ZNF385D: variants seen among roughly 807,000 people sequenced by gnomAD.
The protein encoded by ZNF385D is zinc finger protein 385D.
In ZNF385D, 15 loss-of-function variants were observed where a neutral mutation model predicts 35.8. The observed-to-expected ratio is 0.42, with a 90% CI of 0.28 to 0.64. The LOEUF (loss-of-function observed/expected upper bound fraction) is 0.64. ZNF385D is among the 30% of genes least tolerant of loss of function. ZNF385D has a pLI of 0.23. For missense variants in ZNF385D, 474 were observed against 494.6 expected, an observed-to-expected ratio of 0.96 and a Z score of 0.39; for synonymous variants, 212 against 186.8, an observed-to-expected ratio of 1.13 and a Z score of -1.10.
At chr3:21,483,468 T>C (rs1462541492) in intron 4 of ZNF385D, among the ~76,000 whole-genome samples, 6 of 152,154 alleles carry the variant, frequency 3.9e-5, no homozygotes, top group Non-Finnish European at 5.9e-5. Flanking sequence ...AGCAGTAAGA[T>C]TGCTGGGTCA....
chr3:22,198,779 T>G (rs1310942448), intron 2 of ZNF385D, among the ~76,000 whole-genome samples: 1 of 152,094 alleles, frequency 6.6e-6, no homozygotes, highest in Admixed American at 6.6e-5. Context: ...CTTTCCCCAA[T>G]CTTCATATAT....
At chr3:22,272,197 A>C (rs1198439855) in intron 2 of ZNF385D, among the ~76,000 whole-genome samples, 1 of 152,210 alleles carries the variant, frequency 6.6e-6, no homozygotes, top group East Asian at 1.9e-4. Flanking sequence ...CACGAGGGCT[A>C]GGACTTTCAC....
At chr3:21,716,852 G>A (rs889058715) in intron 1 of ZNF385D, among the ~76,000 whole-genome samples, 16 of 151,990 alleles carry the variant, frequency 1.1e-4, no homozygotes, top group South Asian at 2.1e-4. Context: ...AGGCTGGTGC[G>A]GTGGCTCATA....
At chr3:21,845,422 CCTT>C (rs1269438902) in intron 3 of ZNF385D, among the ~76,000 whole-genome samples, 4 of 151,980 alleles carry the variant, frequency 2.6e-5, no homozygotes, top group Non-Finnish European at 5.9e-5. Flanking sequence ...CTCTTCTTCT[CCTT>C]CTCTTTCTTC....
intron 2 of ZNF385D, among the ~76,000 whole-genome samples, chr3:22,331,038 TTATG>T (rs1694911746): frequency 6.6e-6 from 1 of 152,216 alleles, no homozygotes; most frequent in African/African-American, 2.4e-5. Context: ...ATATGCACAT[TTATG>T]TATTTATCAT....
chr3:21,625,556 T>C (rs1258462406), intron 2 of ZNF385D, among the ~76,000 whole-genome samples: 1 of 152,094 alleles, frequency 6.6e-6, no homozygotes, highest in Non-Finnish European at 1.5e-5. Flanking sequence ...GAGAATAATG[T>C]TCCTTGCTTA....
chr3:21,824,090 G>C (rs181016320), intron 3 of ZNF385D, among the ~76,000 whole-genome samples: 1 of 152,282 alleles, frequency 6.6e-6, no homozygotes, highest in East Asian at 1.9e-4. Context: ...ATGGCCATCT[G>C]TGCAAACGTA....
intron 5 of ZNF385D, among the ~76,000 whole-genome samples, chr3:21,433,093 A>G (rs1033134135): frequency 1.3e-5 from 2 of 152,110 alleles, no homozygotes; most frequent in Non-Finnish European, 2.9e-5. Flanking sequence ...AGGACAACTG[A>G]CTTGCCCAGG....
rs533540683 is a variant in ZNF385D, at chr3:21,563,664, G to A, written c.276+910C>T. Reference sequence around the variant, plus strand: ...TTAACGTTGTCCAGAATTCAGATCTGTTTGGTCATCTCCACAAAGTGTATC... The same window carrying A: ...TTAACGTTGTCCAGAATTCAGATCTATTTGGTCATCTCCACAAAGTGTATC... On this transcript the variant is annotated intron_variant, in intron 3 of 7. Coordinates refer to ENST00000281523, the MANE Select transcript of ZNF385D (RefSeq NM_024697.3). Among the ~76,000 whole-genome samples the A allele has an allele frequency of 1.3e-4, 20 of 152,260 alleles. No individual in the cohort carries two copies. In the South Asian group the frequency reaches 4.1e-3, roughly 32 times the overall value.
At chr3:21,424,152 T>A in intron 6 of ZNF385D, 88 bp from the exon 7 acceptor site, 4 of 1,178,970 alleles carry the variant, frequency 3.4e-6, no homozygotes, top group Non-Finnish European at 4.7e-6. Context: ...AGAAAGATAT[T>A]CATTATTTCA....
intron 2 of ZNF385D, among the ~76,000 whole-genome samples, chr3:22,255,486 T>C (rs1700270364): frequency 6.6e-6 from 1 of 152,010 alleles, no homozygotes; most frequent in Middle Eastern, 3.4e-3. Context: ...ACTGGATATA[T>C]CTCTTTGTAA....
At chr3:21,818,509 G>A (rs1479370734) in intron 3 of ZNF385D, among the ~76,000 whole-genome samples, 1 of 152,086 alleles carries the variant, frequency 6.6e-6, no homozygotes, top group Non-Finnish European at 1.5e-5. Context: ...ATAATAGTGT[G>A]TTAATTTTTA....
intron 4 of ZNF385D, among the ~76,000 whole-genome samples, chr3:21,455,083 A>G (rs1483002829): frequency 6.6e-6 from 1 of 152,208 alleles, no homozygotes; most frequent in Non-Finnish European, 1.5e-5. Flanking sequence ...ATGAAATAAA[A>G]GAGGACACAA....
At chr3:21,789,271 T>A (rs1436000274) in intron 3 of ZNF385D, among the ~76,000 whole-genome samples, 2 of 152,186 alleles carry the variant, frequency 1.3e-5, no homozygotes, top group East Asian at 3.9e-4. Flanking sequence ...ATTTGAGATA[T>A]ACTGCCTACA....
chr3:22,292,914 A>G (rs944317216), intron 2 of ZNF385D, among the ~76,000 whole-genome samples: 17 of 152,220 alleles, frequency 1.1e-4, no homozygotes, highest in Non-Finnish European at 2.4e-4. Context: ...GCATATTTCT[A>G]TTGTCCCATC....
chr3:22,088,101 T>C (rs1452740118), intron 3 of ZNF385D, among the ~76,000 whole-genome samples: 2 of 152,170 alleles, frequency 1.3e-5, no homozygotes, highest in South Asian at 2.1e-4. Flanking sequence ...ATTTAAGTAA[T>C]TTAATAAATC....
At chr3:22,048,444 A>G (rs1275938729) in intron 3 of ZNF385D, among the ~76,000 whole-genome samples, 1 of 152,122 alleles carries the variant, frequency 6.6e-6, no homozygotes, top group Non-Finnish European at 1.5e-5. Flanking sequence ...TAAGGATTAA[A>G]TTTTATTATT....
chr3:21,998,800 G>A (rs768523910), intron 3 of ZNF385D, among the ~76,000 whole-genome samples: 1 of 152,198 alleles, frequency 6.6e-6, no homozygotes, highest in South Asian at 2.1e-4. Context: ...AAGTGCATAG[G>A]CTTAAATAGA....
intron 3 of ZNF385D, among the ~76,000 whole-genome samples, chr3:21,926,572 G>C (rs1700740135): frequency 6.6e-6 from 1 of 152,034 alleles, no homozygotes; most frequent in Non-Finnish European, 1.5e-5. Context: ...CTTTGCTATT[G>C]TGAACAGTGC....
Sources: gnomAD v4.1 joint callset for allele counts (sites outside exome capture counted in the v4.1 genomes callset) on GRCh38, gnomAD v4.1.1 for gene constraint, MANE v1.5 for transcripts, NCBI Gene and HGNC (gene_info 2026-07-23, HGNC 2026-07-21) for gene names.